DLG2: variants seen among roughly 807,000 people sequenced by gnomAD.
DLG2 encodes the protein discs large MAGUK scaffold protein 2, also known as disks large homolog 2.
Under a neutral mutation model 132.5 loss-of-function variants are expected in DLG2, and 45 were observed. The observed-to-expected ratio is 0.34, with a 90% CI of 0.27 to 0.44. DLG2 has a LOEUF of 0.44. DLG2 is among the 20% of genes least tolerant of loss of function. The pLI, the probability that DLG2 is intolerant of heterozygous loss-of-function variation, is 1.00. For missense variants in DLG2, 1,045 were observed against 1,196.9 expected (o/e 0.87, Z 1.87); for synonymous variants, 424 against 419.6 (o/e 1.01, Z -0.13).
At chr11:84,830,486 T>C (rs2078895152) in intron 6 of DLG2, among the ~76,000 whole-genome samples, 1 of 151,444 alleles carries the variant, frequency 6.6e-6, no homozygotes, top group Admixed American at 6.6e-5. Flanking sequence ...AGTTAATTTA[T>C]CTAAGTTTAT....
chr11:85,530,327 AT>A (rs551123228), intron 3 of DLG2, among the ~76,000 whole-genome samples: 1,435 of 133,218 alleles, frequency 0.011, 18 homozygotes, highest in African/African-American at 0.037. Flanking sequence ...TATTTTATTT[AT>A]TTTTTTTTTT....
At chr11:83,664,350 G>A (rs893416089) in intron 18 of DLG2, among the ~76,000 whole-genome samples, 4 of 152,114 alleles carry the variant, frequency 2.6e-5, no homozygotes, top group Non-Finnish European at 4.4e-5. Context: ...TAAGCTTCGC[G>A]GTGTCTGATG....
intron 18 of DLG2, among the ~76,000 whole-genome samples, chr11:83,738,454 A>C (rs894028886): frequency 6.6e-6 from 1 of 152,086 alleles, no homozygotes; most frequent in Non-Finnish European, 1.5e-5. Context: ...AATGAAATGT[A>C]CCTGTCTAGC....
chr11:84,049,500 C>T (rs928665480), intron 11 of DLG2, among the ~76,000 whole-genome samples: 2 of 151,724 alleles, frequency 1.3e-5, no homozygotes, highest in African/African-American at 2.4e-5. Flanking sequence ...TTTCCCCTTG[C>T]CACATTGCTT....
chr11:84,863,797 AT>A (rs202163950), intron 6 of DLG2, among the ~76,000 whole-genome samples: 3,855 of 152,238 alleles, frequency 0.025, 189 homozygotes, highest in African/African-American at 0.089. Flanking sequence ...AGAGCATGGG[AT>A]TTGCAGTGCA....
intron 6 of DLG2, among the ~76,000 whole-genome samples, chr11:85,074,544 T>C (rs899568125): frequency 5.3e-5 from 8 of 152,018 alleles, no homozygotes; most frequent in Admixed American, 5.3e-4. Flanking sequence ...GGATTCATCC[T>C]TATATACATT....
intron 18 of DLG2, among the ~76,000 whole-genome samples, chr11:83,656,845 C>T (rs927217835): frequency 6.6e-6 from 1 of 152,174 alleles, no homozygotes; most frequent in Non-Finnish European, 1.5e-5. Context: ...TTGCTTAGCA[C>T]TCACTGATGC....
At chr11:84,025,749 G>C (rs929598735) in intron 11 of DLG2, among the ~76,000 whole-genome samples, 1 of 152,012 alleles carries the variant, frequency 6.6e-6, no homozygotes, top group African/African-American at 2.4e-5. Flanking sequence ...GTGCTACAAA[G>C]CAGTTGATTT....
intron 16 of DLG2, among the ~76,000 whole-genome samples, chr11:83,839,450 A>G (rs2154013820): frequency 1.3e-5 from 2 of 152,302 alleles, no homozygotes; most frequent in East Asian, 3.9e-4. Flanking sequence ...CATTTCACAT[A>G]TATTTTCCTG....
At chr11:83,970,377 G>A (rs1247029665) in intron 12 of DLG2, among the ~76,000 whole-genome samples, 1 of 152,182 alleles carries the variant, frequency 6.6e-6, no homozygotes, top group Admixed American at 6.5e-5. Flanking sequence ...TTGAGGGAAA[G>A]GTAGTGGTGA....
chr11:83,680,466 T>A (rs2078583357), intron 18 of DLG2, among the ~76,000 whole-genome samples: 1 of 152,202 alleles, frequency 6.6e-6, no homozygotes, highest in Non-Finnish European at 1.5e-5. Flanking sequence ...TGTTCATTTG[T>A]ATCTGTGATG....
At chr11:84,720,613 G>A (rs1160368674) in intron 6 of DLG2, among the ~76,000 whole-genome samples, 1 of 152,160 alleles carries the variant, frequency 6.6e-6, no homozygotes, top group East Asian at 1.9e-4. Flanking sequence ...TGGGGGGAGG[G>A]ACAGAACCAA....
chr11:85,267,623 A>G (rs942319580), intron 4 of DLG2, among the ~76,000 whole-genome samples: 14 of 152,188 alleles, frequency 9.2e-5, no homozygotes, highest in African/African-American at 3.4e-4. Flanking sequence ...TGTCTATCTG[A>G]AACCATGTGG....
intron 6 of DLG2, among the ~76,000 whole-genome samples, chr11:85,053,092 T>A (rs2063061136): frequency 6.6e-6 from 1 of 152,196 alleles, no homozygotes; most frequent in African/African-American, 2.4e-5. Context: ...GAACTCTGGT[T>A]CCAATGCAGT....
chr11:83,503,206 T>C (rs1321570247), intron 21 of DLG2, among the ~76,000 whole-genome samples: 1 of 150,932 alleles, frequency 6.6e-6, no homozygotes, highest in Non-Finnish European at 1.5e-5. Flanking sequence ...AAATATTAAA[T>C]AGACCATTAT....
At chr11:84,564,110 C>T (rs940561225) in intron 6 of DLG2, among the ~76,000 whole-genome samples, 14 of 152,310 alleles carry the variant, frequency 9.2e-5, no homozygotes, top group African/African-American at 3.4e-4. Flanking sequence ...CAATAAAGCA[C>T]AGCCTATTTT....
At position 84,087,731 on chromosome 11, in the gene DLG2, T is replaced by A. The variant is rs563683335; in HGVS notation, c.749+11192A>T. ...AGTAAAGGTTGGATGGAGAAAAGGG[T>A]TATGAGCCAAGTGATTCAGATGGCC... On this transcript the variant is annotated intron_variant, in intron 10 of 27. Transcript: ENST00000376104. Among the ~76,000 whole-genome samples the A allele has an allele frequency of 6.6e-5, 10 of 152,162 alleles. No homozygotes were observed. In the East Asian group the frequency reaches 1.7e-3, roughly 26 times the overall value.
chr11:84,342,497 A>C (rs189061712), intron 7 of DLG2, among the ~76,000 whole-genome samples: 1 of 152,278 alleles, frequency 6.6e-6, no homozygotes, highest in African/African-American at 2.4e-5. Flanking sequence ...GTAAATACCA[A>C]ATAAACTGTC....
rs143241423 is a variant in DLG2, at chr11:83,790,271, G to A, written c.1723-3479C>T. 5.0e-4 allele frequency: 465 copies of A among 924,468 alleles called. 3 individuals are homozygous for A. In the African/African-American group the frequency reaches 6.9e-3, roughly 14 times the overall value. The allele number at this position is 924,468 out of a possible 1,614,324, so 57.3% of individuals were successfully genotyped here. On this transcript the variant is annotated intron_variant, in intron 17 of 27. Coordinates refer to ENST00000376104, the MANE Select transcript of DLG2 (RefSeq NM_001142699.3). ...TTCATAAAAGCTAAACCTACCATTT[G>A]AGTGCCCAAGTCTAGTGTGAACTGT...
Sources: gnomAD v4.1 joint callset for allele counts (sites outside exome capture counted in the v4.1 genomes callset) on GRCh38, gnomAD v4.1.1 for gene constraint, MANE v1.5 for transcripts, NCBI Gene and HGNC (gene_info 2026-07-23, HGNC 2026-07-21) for gene names.